The following TMEM131 variants were observed in gnomAD, a reference collection of about 807,000 sequenced individuals.
The protein encoded by TMEM131 is 2610524E03Rik.
A neutral mutation model predicts 211.6 loss-of-function variants in TMEM131; 66 were observed. The observed-to-expected ratio is 0.31, with a 90% CI of 0.26 to 0.38. TMEM131 has a LOEUF of 0.38. Ranked by LOEUF, TMEM131 falls within the 10% of genes least tolerant of loss-of-function variation. The probability of loss-of-function intolerance (pLI) is 1.00; values close to 1 mark genes in which losing one functional copy is unlikely to be tolerated. For synonymous variants in TMEM131, 844 were observed against 841.3 expected (o/e 1.00, Z -0.06); for missense variants, 2,036 against 2,299.3 (o/e 0.89, Z 2.34).
In TMEM131 at chr2:97,888,113, G is replaced by C. The variant is rs766301033; in HGVS notation, c.298C>G (p.Leu100Val). The change falls in exon 4 of 41, where the codon CTC becomes GTC. Residue 100 changes from leucine (L) to valine (V), a missense_variant. Leu to Val is a conservative substitution (Grantham distance 32, BLOSUM62 1). Transcript: ENST00000186436. Reference sequence around the variant, plus strand: ...ATGGGCCTGCAATTCCCCCGGTAGAGAGATATACTGTAAATAAAAAGAAAA... The same window carrying C: ...ATGGGCCTGCAATTCCCCCGGTAGACAGATATACTGTAAATAAAAAGAAAA... ...LSSYQQKSIS[L>V]YRGNCRPIRF... The C allele has an allele frequency of 3.2e-5, 51 of 1,611,920 alleles. No homozygotes were observed. In the South Asian group the frequency reaches 5.4e-4, roughly 17 times the overall value.
At chr2:97,987,381 T>C (rs746093881) in intron 1 of TMEM131, among the ~76,000 whole-genome samples, 2 of 152,090 alleles carry the variant, frequency 1.3e-5, no homozygotes, top group Non-Finnish European at 2.9e-5. Context: ...CACACACCTG[T>C]AGTCCCAGCT....
chr2:97,817,347 C>A (rs144678410), intron 12 of TMEM131, among the ~76,000 whole-genome samples: 6,254 of 152,168 alleles, frequency 0.041, 228 homozygotes, highest in African/African-American at 0.096. Flanking sequence ...CAGCACTTTG[C>A]CAGGCTGAGG....
At chr2:97,804,291 A>G (rs1429173869) in intron 22 of TMEM131, among the ~76,000 whole-genome samples, 3 of 152,092 alleles carry the variant, frequency 2.0e-5, no homozygotes, top group Non-Finnish European at 2.9e-5. Context: ...TTAGATGCAC[A>G]TTTCCTACCT....
intron 1 of TMEM131, among the ~76,000 whole-genome samples, chr2:97,949,022 T>A (rs1678178759): frequency 6.6e-6 from 1 of 152,164 alleles, no homozygotes; most frequent in Non-Finnish European, 1.5e-5. Context: ...TTTGCCCAAC[T>A]GAAATGAAAC....
At chr2:97,904,344 G>T (rs1050744868) in intron 3 of TMEM131, among the ~76,000 whole-genome samples, 11 of 152,022 alleles carry the variant, frequency 7.2e-5, no homozygotes, top group Non-Finnish European at 7.4e-5. Flanking sequence ...ACATGTACAT[G>T]TATGTATAAA....
At chr2:97,809,333 G>A (rs781707485) in intron 19 of TMEM131, among the ~76,000 whole-genome samples, 3 of 152,050 alleles carry the variant, frequency 2.0e-5, no homozygotes, top group South Asian at 2.1e-4. Context: ...CTAGATTCAC[G>A]TCTCTGCCAC....
At chr2:97,906,331 T>C (rs1295837495) in intron 3 of TMEM131, among the ~76,000 whole-genome samples, 2 of 152,204 alleles carry the variant, frequency 1.3e-5, no homozygotes, top group African/African-American at 4.8e-5. Flanking sequence ...CTAATTTGAA[T>C]TAAATATTTA....
chr2:97,921,964 A>G (rs1028031575), intron 2 of TMEM131, among the ~76,000 whole-genome samples: 1 of 152,238 alleles, frequency 6.6e-6, no homozygotes, highest in African/African-American at 2.4e-5. Context: ...ACCACTTTGG[A>G]AAACTATATG....
At chr2:97,813,913 C>A in intron 15 of TMEM131, 58 bp downstream of exon 15, 9 of 1,343,128 alleles carry the variant, frequency 6.7e-6, no homozygotes, top group Non-Finnish European at 9.1e-6. Flanking sequence ...CTAATAAGAT[C>A]TGAAAACATT....
chr2:97,885,361 T>A (rs1255746058), intron 4 of TMEM131, among the ~76,000 whole-genome samples: 1 of 151,374 alleles, frequency 6.6e-6, no homozygotes, highest in Admixed American at 6.6e-5. Flanking sequence ...CCAGCTAATT[T>A]TTTTTTGTAT....
chr2:97,978,167 G>A (rs1679627337), intron 1 of TMEM131, among the ~76,000 whole-genome samples: 1 of 152,140 alleles, frequency 6.6e-6, no homozygotes, highest in Non-Finnish European at 1.5e-5. Flanking sequence ...TTTCTCTGTA[G>A]CATGCAATGC....
Position 97,876,150 on chromosome 2 carries a change from A to G in TMEM131, c.359+11902T>C, listed in dbSNP as rs968474257. Among the ~76,000 whole-genome samples the G allele has an allele frequency of 1.1e-4, 16 of 152,230 alleles. No individual in the cohort carries two copies. The East Asian group carries it at 2.9e-3, about 27-fold the overall frequency. Reference sequence around the variant, plus strand: ...TGGACACATACACCCTCTCAAGACTAAACCAGGAAAAAGTCGAATCCCTGA... The same window carrying G: ...TGGACACATACACCCTCTCAAGACTGAACCAGGAAAAAGTCGAATCCCTGA... On this transcript the variant is annotated intron_variant, in intron 4 of 40. Transcript: ENST00000186436.
intron 1 of TMEM131, among the ~76,000 whole-genome samples, chr2:97,948,535 A>G (rs534221145): frequency 6.6e-6 from 1 of 152,354 alleles, no homozygotes; most frequent in Admixed American, 6.5e-5. Context: ...AATGATTAAG[A>G]TGAAAACTTC....
At chr2:97,956,351 G>A (rs1394955832) in intron 1 of TMEM131, among the ~76,000 whole-genome samples, 1 of 152,138 alleles carries the variant, frequency 6.6e-6, no homozygotes, top group Admixed American at 6.5e-5. Context: ...TTGCTAAATG[G>A]AAATGTGAAA....
intron 1 of TMEM131, among the ~76,000 whole-genome samples, chr2:97,950,198 A>G (rs1448506442): frequency 6.6e-6 from 1 of 152,222 alleles, no homozygotes; most frequent in Non-Finnish European, 1.5e-5. Context: ...AAAGCAGTGA[A>G]TGGAAAAAAG....
intron 5 of TMEM131, among the ~76,000 whole-genome samples, chr2:97,847,070 T>TGGGGGGGGGGGGGGGGGG (rs70938540): frequency 4.3e-5 from 1 of 23,018 alleles, no homozygotes. Context: ...TCCCAGCTAC[T>TGGGGGGGGGGGGGGGGGG]GGGGGGGGGG....
At chr2:97,931,688 C>T (rs1202973094) in intron 1 of TMEM131, among the ~76,000 whole-genome samples, 1 of 152,182 alleles carries the variant, frequency 6.6e-6, no homozygotes, top group South Asian at 2.1e-4. Context: ...TCCTCACCCA[C>T]AAAAGGAGAA....
chr2:97,957,807 T>C (rs1678639860), intron 1 of TMEM131, among the ~76,000 whole-genome samples: 1 of 152,080 alleles, frequency 6.6e-6, no homozygotes, highest in Non-Finnish European at 1.5e-5. Context: ...AATTAGCTAA[T>C]GTCATAGTAG....
chr2:97,969,028 A>G (rs1457288640), intron 1 of TMEM131, among the ~76,000 whole-genome samples: 1 of 151,344 alleles, frequency 6.6e-6, no homozygotes, highest in Admixed American at 6.6e-5. Flanking sequence ...GGCTGCAGTG[A>G]GCCATAATTG....
Sources: allele counts gnomAD v4.1 joint callset (sites outside exome capture counted in the v4.1 genomes callset), GRCh38; gene constraint gnomAD v4.1.1; transcripts MANE v1.5; gene names NCBI Gene and HGNC (gene_info 2026-07-23, HGNC 2026-07-21).